Variants in RARB observed in about 807,000 individuals in gnomAD.
RARB encodes the protein retinoic acid receptor beta, also known as HBV-activated protein.
RARB carries 17 observed loss-of-function variants against 51.9 expected under a neutral mutation model. The ratio of observed to expected loss-of-function variants is 0.33; its 90% confidence interval spans 0.22 to 0.49. The LOEUF is 0.49. RARB is among the 20% of genes least tolerant of loss of function. RARB has a pLI of 0.99. For synonymous variants in RARB, 215 were observed against 195.4 expected, an observed-to-expected ratio of 1.10 and a Z score of -0.84; for missense variants, 369 against 550.8, an observed-to-expected ratio of 0.67 and a Z score of 3.30.
At chr3:24,918,318 C>T (rs757455044) in intron 2 of RARB, among the ~76,000 whole-genome samples, 1 of 152,086 alleles carries the variant, frequency 6.6e-6, no homozygotes, top group East Asian at 1.9e-4. Flanking sequence ...TGTCAAAAGA[C>T]CTTATATTGT....
chr3:25,122,347 C>G (rs967785114), intron 3 of RARB, among the ~76,000 whole-genome samples: 3 of 151,816 alleles, frequency 2.0e-5, no homozygotes, highest in Non-Finnish European at 4.4e-5. Context: ...CAAGTGCTTA[C>G]TAGATCATCA....
At chr3:24,855,520 G>A (rs1575037394) in intron 1 of RARB, among the ~76,000 whole-genome samples, 1 of 152,130 alleles carries the variant, frequency 6.6e-6, no homozygotes, top group Non-Finnish European at 1.5e-5. Flanking sequence ...CCTGTTCCCT[G>A]TAGGCCTTCT....
At chr3:25,427,395 C>A (rs530967623), upstream of RARB, among the ~76,000 whole-genome samples, 1 of 152,224 alleles carries the variant, frequency 6.6e-6, no homozygotes, top group Admixed American at 6.5e-5. Context: ...GAAACTGAAG[C>A]CTGAAGAAGT....
At chr3:25,140,628 T>C (rs1016418055) in intron 4 of RARB, among the ~76,000 whole-genome samples, 5 of 152,204 alleles carry the variant, frequency 3.3e-5, no homozygotes, top group Admixed American at 2.6e-4. Context: ...GAATATTCCA[T>C]AAACTTAGTT....
chr3:25,352,842 G>A (rs1705616998), intron 5 of RARB, among the ~76,000 whole-genome samples: 1 of 152,144 alleles, frequency 6.6e-6, no homozygotes, highest in Non-Finnish European at 1.5e-5. Context: ...ACTGAGAGCT[G>A]AAAAGACTTG....
At chr3:24,930,612 A>T (rs147579150) in intron 2 of RARB, among the ~76,000 whole-genome samples, 1 of 152,106 alleles carries the variant, frequency 6.6e-6, no homozygotes, top group Non-Finnish European at 1.5e-5. Flanking sequence ...TTGTCTATCA[A>T]ACATTTACAT....
intron 5 of RARB, among the ~76,000 whole-genome samples, chr3:25,315,669 A>G (rs1431950917): frequency 1.3e-5 from 2 of 152,182 alleles, no homozygotes; most frequent in Admixed American, 6.5e-5. Context: ...GCTGGAGTAC[A>G]GTGCCGCAGT....
chr3:24,925,643 CT>C (rs564076072), intron 2 of RARB, among the ~76,000 whole-genome samples: 198 of 96,794 alleles, frequency 2.0e-3, no homozygotes, highest in Middle Eastern at 6.2e-3. Context: ...CAGATCCTGT[CT>C]TTTTTTTTTT....
chr3:25,057,156 A>G (rs1242806885), intron 2 of RARB, among the ~76,000 whole-genome samples: 1 of 152,088 alleles, frequency 6.6e-6, no homozygotes, highest in African/African-American at 2.4e-5. Context: ...TTTAAAGAGT[A>G]TAAGTATTTC....
At position 25,020,810 on chromosome 3, in the gene RARB, T is replaced by C. The variant is rs113258320; in HGVS notation, c.-379-39315T>C. On this transcript the variant is annotated intron_variant, in intron 2 of 11. Coordinates refer to the RARB transcript ENST00000383772. ...TCTCATTTAAAATATTTTAGATTTT[T>C]CTACAAAAAGTAACTGGGCGTGGTG... is the stretch of plus-strand genomic sequence containing the variant. Among the ~76,000 whole-genome samples, 1,184 of 152,164 alleles carry C rather than the reference T, an allele frequency of 7.8e-3. 16 individuals are homozygous for C. Among genetic ancestry groups the C allele is most frequent in the African/African-American group, 0.027 (1,126 of 41,504 alleles).
chr3:25,406,498 T>G (rs1707412584), intron 5 of RARB, among the ~76,000 whole-genome samples: 1 of 152,234 alleles, frequency 6.6e-6, no homozygotes, highest in Non-Finnish European at 1.5e-5. Flanking sequence ...CTCACTGCCT[T>G]GTCCTCACAT....
intron 7 of RARB, 58 bp downstream of exon 7, chr3:25,594,736 G>T: frequency 7.1e-7 from 1 of 1,414,904 alleles, no homozygotes; most frequent in Non-Finnish European, 9.3e-7. Flanking sequence ...GCCTTACCAG[G>T]TTGTGTTGCT....
At chr3:25,521,286 A>G (rs957234052) in intron 3 of RARB, among the ~76,000 whole-genome samples, 18 of 152,194 alleles carry the variant, frequency 1.2e-4, no homozygotes, top group African/African-American at 3.9e-4. Flanking sequence ...TTGCGCATCT[A>G]AAAGATACAA....
intron 5 of RARB, among the ~76,000 whole-genome samples, chr3:25,277,092 G>A (rs773814343): frequency 6.6e-6 from 1 of 152,162 alleles, no homozygotes; most frequent in Non-Finnish European, 1.5e-5. Flanking sequence ...CTATACCCAC[G>A]TATTACTGGA....
chr3:25,283,367 G>T (rs1703571093), intron 5 of RARB, among the ~76,000 whole-genome samples: 1 of 152,126 alleles, frequency 6.6e-6, no homozygotes, highest in African/African-American at 2.4e-5. Context: ...GGTCATTTTT[G>T]CTTTCTTTCA....
intron 5 of RARB, among the ~76,000 whole-genome samples, chr3:25,203,296 C>T (rs186480233): frequency 1.3e-5 from 2 of 152,280 alleles, no homozygotes; most frequent in African/African-American, 4.8e-5. Flanking sequence ...AGATCTTCCT[C>T]CATCCCTTAA....
intron 3 of RARB, among the ~76,000 whole-genome samples, chr3:25,567,679 C>T (rs73050040): frequency 0.16 from 23,613 of 152,112 alleles, 1,902 homozygotes; most frequent in East Asian, 0.25. Context: ...GGAATTGCTG[C>T]GTCACATGGT....
At chr3:25,500,716 T>TGATC (rs915918895) in intron 2 of RARB, among the ~76,000 whole-genome samples, 37 of 152,148 alleles carry the variant, frequency 2.4e-4, no homozygotes, top group African/African-American at 8.7e-4. Context: ...TTACCTCAAA[T>TGATC]GATCCTCCTG....
chr3:25,036,334 A>T (rs1697993845), intron 2 of RARB, among the ~76,000 whole-genome samples: 1 of 152,180 alleles, frequency 6.6e-6, no homozygotes, highest in African/African-American at 2.4e-5. Context: ...ACCTGAGGTT[A>T]GAATTTGAAG....
Sources: allele counts gnomAD v4.1 joint callset (sites outside exome capture counted in the v4.1 genomes callset), GRCh38; gene constraint gnomAD v4.1.1; transcripts MANE v1.5; gene names NCBI Gene and HGNC (gene_info 2026-07-23, HGNC 2026-07-21).